The following ZNF713 variants were observed in gnomAD, a reference collection of about 807,000 sequenced individuals.
ZNF713 encodes zinc finger protein 713.
A neutral mutation model predicts 28.7 loss-of-function variants in ZNF713; 21 were observed. That is an observed-to-expected ratio of 0.73 (90% CI 0.52 to 1.05). The LOEUF (loss-of-function observed/expected upper bound fraction) is 1.05. Ranked by LOEUF, ZNF713 falls within the 50% of genes least tolerant of loss-of-function variation. The pLI, the probability that ZNF713 is intolerant of heterozygous loss-of-function variation, is 0.00. For missense variants in ZNF713, 458 were observed against 532.4 expected (o/e 0.86, Z 1.37); for synonymous variants, 167 against 178.0 (o/e 0.94, Z 0.49).
intron 4 of ZNF713, among the ~76,000 whole-genome samples, chr7:55,920,844 C>T (rs1584311560): frequency 1.3e-5 from 2 of 152,090 alleles, no homozygotes; most frequent in East Asian, 3.9e-4. Flanking sequence ...TGGTCTCGAG[C>T]TCCTGACCTC....
In ZNF713 at chr7:55,941,461, A is replaced by T. The variant is rs1026111930; in HGVS notation, c.*1455A>T. 1.3e-5 allele frequency: 2 copies of T among 152,012 alleles called. No homozygotes were observed. Among genetic ancestry groups the T allele is most frequent in the Non-Finnish European group, 2.9e-5 (2 of 67,952 alleles). The allele number at this position is 152,012 out of a possible 1,614,324, so 9.4% of individuals were successfully genotyped here. A position where few individuals can be genotyped will look rare whatever the true frequency, so the allele number is the denominator to read the frequency against. On this transcript the variant is annotated 3_prime_UTR_variant, in exon 7 of 7. Coordinates refer to ENST00000429591, the MANE Select transcript of ZNF713 (RefSeq NM_182633.3). ...ACAGAGTGAGACTGTCTCAAAAAAA[A>T]AAAAAAGTAAAATTTAAAAATAAAG...
At chr7:55,926,686 T>C (rs1175164256) in intron 6 of ZNF713, among the ~76,000 whole-genome samples, 1 of 152,194 alleles carries the variant, frequency 6.6e-6, no homozygotes, top group Non-Finnish European at 1.5e-5. Flanking sequence ...ACCCAGTAGA[T>C]TTAGCAGCAA....
chr7:55,905,288 C>T (rs1166131695), intron 1 of ZNF713, among the ~76,000 whole-genome samples: 1 of 152,114 alleles, frequency 6.6e-6, no homozygotes, highest in Non-Finnish European at 1.5e-5. Flanking sequence ...AGATTTTCAC[C>T]TCTCAGATTC....
rs71533249 is a variant in ZNF713, at chr7:55,927,896, C to CAAAAAAAAAAAAAA, written c.307+4208_307+4221dup. 9.6e-4 allele frequency among the ~76,000 whole-genome samples: 43 copies of CAAAAAAAAAAAAAA among 44,936 alleles called. 10 individuals are homozygous for CAAAAAAAAAAAAAA. Among genetic ancestry groups the CAAAAAAAAAAAAAA allele is most frequent in the East Asian group, 7.5e-3 (8 of 1,072 alleles). The allele number at this position is 44,936 out of a possible 152,430, so 29.5% of individuals were successfully genotyped here. On this transcript the variant is annotated intron_variant, in intron 6 of 6. Coordinates refer to ENST00000429591, the MANE Select transcript of ZNF713 (RefSeq NM_182633.3). ...TGGGTGACAGAGCAAGACTCTGTCT[C>CAAAAAAAAAAAAAA]AAAAAAAAAAAAAAAAAAAAAAAAG...
At chr7:55,929,576 G>C (rs922064282) in intron 6 of ZNF713, among the ~76,000 whole-genome samples, 1 of 152,074 alleles carries the variant, frequency 6.6e-6, no homozygotes, top group Non-Finnish European at 1.5e-5. Flanking sequence ...GATTTTACAC[G>C]TAAAACATGA....
chr7:55,921,742 A>G (rs1174677052), intron 4 of ZNF713, among the ~76,000 whole-genome samples: 5 of 152,244 alleles, frequency 3.3e-5, no homozygotes, highest in African/African-American at 9.6e-5. Flanking sequence ...GGAAATGACA[A>G]TAGTGGATTT....
chr7:55,923,065 A>T, intron 4 of ZNF713, 97 bp from the exon 5 acceptor site: 1 of 1,366,126 alleles, frequency 7.3e-7, no homozygotes, highest in African/African-American at 1.5e-5. Context: ...TATCAGCACA[A>T]TGGCTTAGAT....
At chr7:55,915,391 T>C (rs1474241914) in intron 4 of ZNF713, among the ~76,000 whole-genome samples, 1 of 152,206 alleles carries the variant, frequency 6.6e-6, no homozygotes, top group African/African-American at 2.4e-5. Flanking sequence ...TGACAAAAAT[T>C]ATGCTTTTTA....
intron 4 of ZNF713, among the ~76,000 whole-genome samples, chr7:55,913,721 G>A (rs771032588): frequency 9.9e-5 from 15 of 152,150 alleles, no homozygotes; most frequent in African/African-American, 1.4e-4. Context: ...TTTGCCACGT[G>A]TCAGTTGCTT....
chr7:55,928,110 G>T (rs1003199838), intron 6 of ZNF713, among the ~76,000 whole-genome samples: 1 of 152,010 alleles, frequency 6.6e-6, no homozygotes, highest in Non-Finnish European at 1.5e-5. Context: ...TGGGAAGGCA[G>T]GTAGAGGACT....
At chr7:55,922,283 G>A (rs1266231296) in intron 4 of ZNF713, among the ~76,000 whole-genome samples, 1 of 151,976 alleles carries the variant, frequency 6.6e-6, no homozygotes, top group East Asian at 1.9e-4. Flanking sequence ...CTTAACGCCT[G>A]TAATCCCAGC....
intron 1 of ZNF713, among the ~76,000 whole-genome samples, chr7:55,901,388 C>T (rs1785573932): frequency 6.6e-6 from 1 of 152,206 alleles, no homozygotes; most frequent in African/African-American, 2.4e-5. Flanking sequence ...CACTGGGTCC[C>T]TCCCACAACA....
chr7:55,917,317 A>G (rs1279468632), intron 4 of ZNF713, among the ~76,000 whole-genome samples: 1 of 152,146 alleles, frequency 6.6e-6, no homozygotes, highest in East Asian at 1.9e-4. Flanking sequence ...GTTGAAAAAA[A>G]TATTTTGCCA....
intron 6 of ZNF713, among the ~76,000 whole-genome samples, chr7:55,937,716 A>G (rs992283925): frequency 7.2e-5 from 11 of 151,906 alleles, no homozygotes; most frequent in African/African-American, 2.2e-4. Context: ...CAGCCTGGGA[A>G]ACGTAGTGAG....
chr7:55,940,023 T>G lies in ZNF713; in HGVS notation c.*17T>G. The stretch of plus-strand genomic sequence containing the variant: ...AGCACATAACTTATGGTGGGGGAAA[T>G]CAGATAAATATATAAATGTAGGAGA... On this transcript the variant is annotated 3_prime_UTR_variant, in exon 7 of 7. Coordinates refer to ENST00000429591, the MANE Select transcript of ZNF713 (RefSeq NM_182633.3). The G allele has an allele frequency of 6.5e-7, 1 of 1,535,808 alleles. No individual in the cohort carries two copies. Among genetic ancestry groups the G allele is most frequent in the Non-Finnish European group, 8.7e-7 (1 of 1,143,604 alleles).
rs569202763 is a variant in ZNF713 at position 55,893,346 on chromosome 7, G to A, written c.-583+5666G>A. Reference sequence around the variant, plus strand: ...GATCTCATGCTATAGATTGAATGGGGAAATGCAGCCAGGCCTGGGTGTTCA... The same window carrying A: ...GATCTCATGCTATAGATTGAATGGGAAAATGCAGCCAGGCCTGGGTGTTCA... On this transcript the variant is annotated intron_variant, in intron 1 of 6. Coordinates refer to ENST00000429591, the MANE Select transcript of ZNF713 (RefSeq NM_182633.3). 7.9e-4 allele frequency among the ~76,000 whole-genome samples: 120 copies of A among 152,238 alleles called. No individual in the cohort carries two copies. The South Asian group carries it at 0.016, about 20-fold the overall frequency.
chr7:55,919,490 G>GTTTTTTTTTTTTTTTTTTTTTTTTT lies in ZNF713; in HGVS notation c.88-3663_88-3639dup, dbSNP rs55656709. 6.4e-4 allele frequency among the ~76,000 whole-genome samples: 43 copies of GTTTTTTTTTTTTTTTTTTTTTTTTT among 66,756 alleles called. 3 individuals carry two copies. The highest frequency in any genetic ancestry group is 1.0e-3 in the South Asian group (2 of 1,916). 43.8% of individuals were successfully genotyped at this position (66,756 alleles called of 152,430 possible). A position where few individuals can be genotyped will look rare whatever the true frequency, so the allele number is the denominator to read the frequency against. ...GCTGGATAAATTGGTAAACACTCCA[G>GTTTTTTTTTTTTTTTTTTTTTTTTT]TTTTTTTTTTTTTTTTTTTTTTTTT... On this transcript the variant is annotated intron_variant, in intron 4 of 6. Coordinates refer to ENST00000429591, the MANE Select transcript of ZNF713 (RefSeq NM_182633.3).
At chr7:55,923,003 C>T (rs1395151735) in intron 4 of ZNF713, among the ~76,000 whole-genome samples, 159 bp from the exon 5 acceptor site, 7 of 152,170 alleles carry the variant, frequency 4.6e-5, no homozygotes, top group Admixed American at 4.6e-4. Flanking sequence ...TAGAAAGGTA[C>T]TAATTTTTTT....
chr7:55,897,078 G>A (rs1393376135), intron 1 of ZNF713, among the ~76,000 whole-genome samples: 2 of 152,212 alleles, frequency 1.3e-5, no homozygotes, highest in East Asian at 1.9e-4. Context: ...GGGATAAGAA[G>A]CAGTTTTTCC....
Sources: allele counts gnomAD v4.1 joint callset (sites outside exome capture counted in the v4.1 genomes callset), GRCh38; gene constraint gnomAD v4.1.1; transcripts MANE v1.5; gene names NCBI Gene and HGNC (gene_info 2026-07-23, HGNC 2026-07-21).